HUWE1: variants seen among roughly 807,000 people sequenced by gnomAD.
The protein encoded by HUWE1 is HECT, UBA and WWE domain containing E3 ubiquitin protein ligase 1, also known as E3 ubiquitin-protein ligase HUWE1.
Under a neutral mutation model 299.4 loss-of-function variants are expected in HUWE1, and 18 were observed. The observed-to-expected ratio is 0.06, with a 90% confidence interval of 0.04 to 0.09. The LOEUF is 0.09. Ranked by LOEUF, HUWE1 falls within the 10% of genes least tolerant of loss-of-function variation. HUWE1 has a pLI of 1.00. For missense variants in HUWE1, 1,832 were observed against 3,462.3 expected (o/e 0.53, Z 11.82); for synonymous variants, 1,317 against 1,286.1 (o/e 1.02, Z -0.51).
intron 19 of HUWE1, 49 bp downstream of exon 19, chrX:53,624,546 T>C: frequency 3.7e-6 from 3 of 806,226 alleles, no homozygotes; most frequent in Non-Finnish European, 5.7e-6. Context: ...GAGAGAGAGC[T>C]CTGCCAGGTT....
intron 60 of HUWE1, among the ~76,000 whole-genome samples, chrX:53,555,632 A>G (rs1452620850): frequency 2.0e-5 from 2 of 99,916 alleles, no homozygotes; most frequent in African/African-American, 7.6e-5. Context: ...CAGCCCTTCA[A>G]AATCTTTTTT....
chrX:53,546,182 C>T (rs782368383), intron 70 of HUWE1, among the ~76,000 whole-genome samples: 123 of 111,305 alleles, frequency 1.1e-3, no homozygotes, highest in African/African-American at 3.8e-3. Context: ...TCTCTTTTCT[C>T]TTCATTAAGC....
chrX:53,618,565 CTTTT>C (rs1158947305), intron 19 of HUWE1, among the ~76,000 whole-genome samples: 2 of 88,881 alleles, frequency 2.3e-5, no homozygotes, highest in South Asian at 5.1e-4. Flanking sequence ...TAAGAATTTT[CTTTT>C]TTTTTTTTTT....
chrX:53,542,625 A>C, intron 73 of HUWE1, 86 bp from the exon 74 acceptor site: 1 of 632,963 alleles, frequency 1.6e-6, no homozygotes, highest in Non-Finnish European at 2.7e-6. Flanking sequence ...TCCACTTCTC[A>C]TACATTGAGC....
At chrX:53,628,274 C>G (rs912225260) in intron 15 of HUWE1, among the ~76,000 whole-genome samples, 3 of 110,928 alleles carry the variant, frequency 2.7e-5, no homozygotes, top group African/African-American at 9.9e-5. Context: ...GACCATTCTA[C>G]ACTATGATAA....
At chrX:53,626,460 T>C (rs781877353) in intron 17 of HUWE1, among the ~76,000 whole-genome samples, 8 of 111,692 alleles carry the variant, frequency 7.2e-5, no homozygotes, top group African/African-American at 2.3e-4. Context: ...AGAATGTCTA[T>C]GAAACACTGA....
Position 53,568,841 on chromosome X carries a change from G to C in HUWE1, c.6558C>G (p.Ile2186Met). The C allele has an allele frequency of 8.3e-7, 1 of 1,205,567 alleles. No homozygotes were observed. Among genetic ancestry groups the C allele is most frequent in the Non-Finnish European group, 1.1e-6 (1 of 891,881 alleles). ...TGGAGGTGGAGGGGCAGGACTCCAT[G>C]ATAGTACTGATGATACACATCACTG... ...LQAVMCIIST[I>M]MESCPSTSSF... The change falls in exon 49 of 84, where the codon ATC becomes ATG. Residue 2186 changes from isoleucine (I) to methionine (M), a missense_variant. Around this residue, in one of 15 missense-constraint regions of HUWE1, gnomAD observed 157 missense variants for 252.3 expected, o/e 0.62. Coordinates refer to ENST00000262854, the MANE Select transcript of HUWE1 (RefSeq NM_031407.7).
intron 33 of HUWE1, 74 bp downstream of exon 33, chrX:53,592,324 C>T: frequency 1.4e-6 from 1 of 733,258 alleles, no homozygotes; most frequent in South Asian, 2.1e-5. Context: ...GGTATGTGAG[C>T]TTAGAAAATC....
In HUWE1 at chrX:53,568,987, A is replaced by C. The variant is rs2062696561; in HGVS notation, c.6525-113T>G. 5 of 609,799 alleles carry C rather than the reference A, an allele frequency of 8.2e-6. No homozygotes were observed. The Admixed American group carries it at 1.1e-4, about 13-fold the overall frequency. The allele number at this position is 609,799 out of a possible 1,213,427, so 50.3% of individuals were successfully genotyped here. On this transcript the variant is annotated intron_variant, in intron 48 of 83. Transcript: ENST00000262854. Reference sequence around the variant, plus strand: ...TGTAACTTTTGTATTTCCTTCTGGAAATAACATCTAAACAAACAGGTGAGA... The same window carrying C: ...TGTAACTTTTGTATTTCCTTCTGGACATAACATCTAAACAAACAGGTGAGA...
intron 28 of HUWE1, among the ~76,000 whole-genome samples, chrX:53,602,328 C>G (rs781873254): frequency 2.1e-5 from 1 of 48,161 alleles, no homozygotes; most frequent in Non-Finnish European, 3.5e-5. Flanking sequence ...CAGACACTTC[C>G]AAAATGTTTT....
intron 29 of HUWE1, among the ~76,000 whole-genome samples, chrX:53,596,933 T>C (rs2064514880): frequency 8.9e-6 from 1 of 112,628 alleles, no homozygotes; most frequent in South Asian, 3.6e-4. Context: ...GTGAAGCTGT[T>C]GCTGCAGCTA....
intron 7 of HUWE1, among the ~76,000 whole-genome samples, chrX:53,644,599 CAT>C (rs1557033977): frequency 8.9e-6 from 1 of 112,191 alleles, no homozygotes; most frequent in Non-Finnish European, 1.9e-5. Flanking sequence ...TTTCAGAATA[CAT>C]GTTATATTTA....
chrX:53,612,061 A>G (rs1557002870), intron 23 of HUWE1, among the ~76,000 whole-genome samples: 1 of 111,269 alleles, frequency 9.0e-6, no homozygotes, highest in African/African-American at 3.3e-5. Flanking sequence ...CCATATTGTG[A>G]GAAAGTACAC....
intron 7 of HUWE1, among the ~76,000 whole-genome samples, chrX:53,642,134 T>A: frequency 8.9e-6 from 1 of 111,859 alleles, no homozygotes. Flanking sequence ...ATACTGCAAG[T>A]AACTGAAACC....
chrX:53,588,733 A>G (rs2063990416), intron 36 of HUWE1, among the ~76,000 whole-genome samples, 199 bp from the exon 37 acceptor site: 1 of 112,070 alleles, frequency 8.9e-6, no homozygotes, highest in African/African-American at 3.3e-5. Context: ...CCACTAAACA[A>G]TTACTTTATT....
At position 53,554,740 on chromosome X, in the gene HUWE1, C is replaced by T. The variant is rs782135625; in HGVS notation, c.8387G>A (p.Ser2796Asn). 2 of 1,210,745 alleles carry T rather than the reference C, an allele frequency of 1.7e-6. No individual in the cohort carries two copies. Among genetic ancestry groups the T allele is most frequent in the Admixed American group, 4.4e-5 (2 of 45,975 alleles). ...ELQSPAGEGG[S>N]STQLLMPVEP... ...TACAGGCATCAATAGCTGTGTAGAG[C>T]TGCCCCCTTCTCCAGCTGGAGACTG... Residue 2796 changes from serine to asparagine, a missense_variant, in exon 61 of 84, where the codon AGC (serine) becomes AAC (asparagine). Transcript: ENST00000262854.
intron 7 of HUWE1, among the ~76,000 whole-genome samples, chrX:53,643,248 C>CCT (rs2067727706): frequency 8.9e-6 from 1 of 112,084 alleles, no homozygotes. Flanking sequence ...TACAACACAA[C>CCT]CTCCTACATT....
At chrX:53,546,955 C>T in intron 68 of HUWE1, 130 bp from the exon 69 acceptor site, 1 of 827,350 alleles carries the variant, frequency 1.2e-6, no homozygotes, top group Non-Finnish European at 1.8e-6. Context: ...AGAAAACCCA[C>T]CCACCAAAGG....
intron 24 of HUWE1, 44 bp from the exon 25 acceptor site, chrX:53,607,743 G>A (rs782475932): frequency 3.4e-6 from 3 of 885,495 alleles, no homozygotes; most frequent in South Asian, 2.1e-5. Context: ...CCTGACAGGT[G>A]GAACTAAATG....
Sources: gnomAD v4.1 joint callset for allele counts (sites outside exome capture counted in the v4.1 genomes callset) on GRCh38, gnomAD v4.1.1 for gene constraint, gnomAD v4.1.1 regional missense constraint, MANE v1.5 for transcripts, NCBI Gene and HGNC (gene_info 2026-07-23, HGNC 2026-07-21) for gene names.